PDGFD: variants seen among roughly 807,000 people sequenced by gnomAD.
The protein encoded by PDGFD is platelet-derived growth factor D.
Under a neutral mutation model 44.7 loss-of-function variants are expected in PDGFD, and 30 were observed. That is an observed-to-expected ratio of 0.67 (90% CI 0.50 to 0.91). PDGFD has a LOEUF of 0.91. PDGFD is among the 40% of genes least tolerant of loss of function. The probability of loss-of-function intolerance (pLI) is 0.00; values close to 1 mark genes in which losing one functional copy is unlikely to be tolerated. For missense variants in PDGFD, 445 were observed against 457.8 expected (o/e 0.97, Z 0.25); for synonymous variants, 173 against 168.4 (o/e 1.03, Z -0.21).
At chr11:104,074,864 T>C (rs1204037178) in intron 1 of PDGFD, among the ~76,000 whole-genome samples, 1 of 152,170 alleles carries the variant, frequency 6.6e-6, no homozygotes, top group Non-Finnish European at 1.5e-5. Flanking sequence ...GGAAATTATG[T>C]GGTGAAACAA....
intron 1 of PDGFD, chr11:104,037,619 C>A: frequency 3.7e-6 from 6 of 1,614,018 alleles, no homozygotes; most frequent in Non-Finnish European, 5.1e-6. Context: ...GCCCAGATGA[C>A]CATTATGAGC....
intron 1 of PDGFD, among the ~76,000 whole-genome samples, chr11:104,135,779 G>C (rs552643421): frequency 6.6e-6 from 1 of 152,138 alleles, no homozygotes; most frequent in Non-Finnish European, 1.5e-5. Flanking sequence ...GTTTGGTCCT[G>C]CACTTAATGA....
chr11:104,048,398 T>C (rs1380805028), intron 1 of PDGFD, among the ~76,000 whole-genome samples: 1 of 152,112 alleles, frequency 6.6e-6, no homozygotes, highest in East Asian at 1.9e-4. Context: ...TACTCTCTTC[T>C]TTCTTGAATG....
At chr11:104,065,550 G>T (rs979391373) in intron 1 of PDGFD, among the ~76,000 whole-genome samples, 1 of 152,018 alleles carries the variant, frequency 6.6e-6, no homozygotes, top group Non-Finnish European at 1.5e-5. Context: ...AATAAGAATG[G>T]AATATAAAAC....
At chr11:103,925,058 G>C (rs760223300) in intron 6 of PDGFD, among the ~76,000 whole-genome samples, 1 of 152,066 alleles carries the variant, frequency 6.6e-6, no homozygotes. Flanking sequence ...TGTGGTGGTT[G>C]GTTTTCTGTT....
intron 6 of PDGFD, among the ~76,000 whole-genome samples, chr11:103,925,716 C>CATATATATAGATATATATATATAT (rs1858301054): frequency 8.1e-6 from 1 of 122,760 alleles, no homozygotes; most frequent in Admixed American, 8.1e-5. Flanking sequence ...CACACACACA[C>CATATATATAGATATATATATATAT]ATATATATAT....
intron 1 of PDGFD, among the ~76,000 whole-genome samples, chr11:104,120,004 TTAA>T (rs1861749370): frequency 6.9e-6 from 1 of 143,992 alleles, no homozygotes; most frequent in South Asian, 2.1e-4. Flanking sequence ...AATTAATATA[TTAA>T]TATTATCTAT....
intron 1 of PDGFD, chr11:104,037,905 T>C (rs1484334753): frequency 6.2e-7 from 1 of 1,614,020 alleles, no homozygotes; most frequent in Non-Finnish European, 8.5e-7. Context: ...CTTATTTTCT[T>C]CCTGAGGGAG....
intron 1 of PDGFD, among the ~76,000 whole-genome samples, chr11:104,071,371 A>G (rs188748539): frequency 7.3e-4 from 110 of 151,272 alleles, no homozygotes; most frequent in Non-Finnish European, 1.4e-3. Context: ...GTGTATATAT[A>G]TTTGTGTGTG....
intron 1 of PDGFD, among the ~76,000 whole-genome samples, chr11:104,062,783 C>T (rs1591145253): frequency 6.6e-6 from 1 of 152,134 alleles, no homozygotes; most frequent in Non-Finnish European, 1.5e-5. Context: ...AACAAAAATG[C>T]CTTTAATCAG....
intron 1 of PDGFD, among the ~76,000 whole-genome samples, chr11:104,074,342 T>C (rs1860923216): frequency 1.3e-5 from 2 of 152,234 alleles, no homozygotes; most frequent in South Asian, 4.1e-4. Flanking sequence ...TAGTTTGTTT[T>C]GCAGTAGTAT....
At chr11:104,126,798 C>A (rs766108221) in intron 1 of PDGFD, among the ~76,000 whole-genome samples, 5 of 151,914 alleles carry the variant, frequency 3.3e-5, no homozygotes, top group Non-Finnish European at 7.4e-5. Flanking sequence ...CAGCATATAC[C>A]TCAATGCAAG....
intron 1 of PDGFD, among the ~76,000 whole-genome samples, chr11:104,123,251 C>A (rs573190959): frequency 6.6e-6 from 1 of 152,078 alleles, no homozygotes; most frequent in South Asian, 2.1e-4. Context: ...GGAAGTAATG[C>A]TTAGGTCTTT....
In PDGFD at chr11:104,072,617, CAG is replaced by C. The variant is rs1860897803; in HGVS notation, c.125-72364_125-72363del. Among the ~76,000 whole-genome samples the C allele has an allele frequency of 2.6e-5, 4 of 151,962 alleles. No individual in the cohort carries two copies. In the South Asian group the frequency reaches 8.3e-4, roughly 32 times the overall value. On this transcript the variant is annotated intron_variant, in intron 1 of 6. Transcript: ENST00000393158. ...CCTCTAGTACAATGTTGAAAGTTAA[CAG>C]ATATAATAGGCAGTCTTGACTTGTT...
At chr11:104,010,184 CT>C (rs35905360) in intron 1 of PDGFD, among the ~76,000 whole-genome samples, 33,797 of 146,060 alleles carry the variant, frequency 0.23, 3,926 homozygotes, top group South Asian at 0.32. Flanking sequence ...AGTTACATAT[CT>C]TTTTTTTTTT....
chr11:104,053,132 T>C (rs1336197660), intron 1 of PDGFD, among the ~76,000 whole-genome samples: 2 of 152,194 alleles, frequency 1.3e-5, no homozygotes, highest in Non-Finnish European at 2.9e-5. Flanking sequence ...CCTCAGTCTA[T>C]TCAACTGAAG....
chr11:103,927,101 A>G lies in PDGFD; in HGVS notation c.798T>C (p.Asp266=). ...SKVDLDRLND[D]AKRYSCTPRN... ...TGGGAGTGCAACTGTAACGCTTGGC[A>G]TCATCATTGAGCCTATCCAGGTCAA... The change falls in exon 6 of 7, where the codon GAT becomes GAC. Residue 266 remains aspartate (D), a synonymous_variant. Coordinates refer to ENST00000393158, the MANE Select transcript of PDGFD (RefSeq NM_025208.5). 6.2e-7 allele frequency: 1 copy of G among 1,614,176 alleles called. No homozygotes were observed. Among genetic ancestry groups the G allele is most frequent in the Non-Finnish European group, 8.5e-7 (1 of 1,180,004 alleles).
At chr11:103,947,318 T>C (rs1282882508) in intron 4 of PDGFD, among the ~76,000 whole-genome samples, 1 of 152,212 alleles carries the variant, frequency 6.6e-6, no homozygotes, top group African/African-American at 2.4e-5. Flanking sequence ...ATTTTGAAAT[T>C]CCCCACTTGA....
Position 103,943,535 on chromosome 11 carries a change from T to C in PDGFD, c.689A>G (p.Glu230Gly), listed in dbSNP as rs369809953. ...ATTCTCAAGATCTTCTTGCCATGAC[T>C]CTGGATTGAAGTACTTGAGCAGATC... Reference protein sequence around the residue: ...VEDLLKYFNPESWQEDLENMY... With the variant: ...VEDLLKYFNPGSWQEDLENMY... Residue 230 changes from glutamate to glycine, a missense_variant, in exon 5 of 7, where the codon GAG becomes GGG. Coordinates refer to ENST00000393158, the MANE Select transcript of PDGFD (RefSeq NM_025208.5). The C allele has an allele frequency of 8.4e-5, 135 of 1,613,322 alleles. No homozygotes were observed. The highest frequency in any genetic ancestry group is 1.1e-4 in the Non-Finnish European group (126 of 1,179,652).
Sources: allele counts gnomAD v4.1 joint callset (sites outside exome capture counted in the v4.1 genomes callset), GRCh38; gene constraint gnomAD v4.1.1; transcripts MANE v1.5; gene names NCBI Gene and HGNC (gene_info 2026-07-23, HGNC 2026-07-21).